Variants in LAD1 observed in about 807,000 individuals in gnomAD.
LAD1 encodes ladinin-1.
Under a neutral mutation model 54.2 loss-of-function variants are expected in LAD1, and 53 were observed. The ratio of observed to expected loss-of-function variants is 0.98; its 90% confidence interval spans 0.78 to 1.23. The LOEUF (loss-of-function observed/expected upper bound fraction) is 1.23, where lower values mean the gene tolerates loss of function less well. LAD1 is among the 50% of genes most tolerant of loss of function. The pLI is 0.00. For synonymous variants in LAD1, 231 were observed against 257.7 expected (o/e 0.90, Z 0.99); for missense variants, 637 against 653.3 (o/e 0.98, Z 0.27).
intron 5 of LAD1, 95 bp downstream of exon 5, chr1:201,384,697 C>T (rs79927941): frequency 0.027 from 34,273 of 1,280,182 alleles, 639 homozygotes; most frequent in African/African-American, 0.069. Context: ...ATGTGCCCTA[C>T]CGCACAGCCT....
chr1:201,381,128 A>G lies in LAD1; in HGVS notation c.*760T>C, dbSNP rs751166442. 1.3e-5 allele frequency: 2 copies of G among 152,574 alleles called. No individual in the cohort carries two copies. The highest frequency in any genetic ancestry group is 4.8e-5 in the African/African-American group (2 of 41,342). 9.5% of individuals were successfully genotyped at this position (152,574 alleles called of 1,614,324 possible). ...AAGAGGGGGGATGAGGAAAATGATG[A>G]TCCTCCTCACACACTTCAGGTGACC... On this transcript the variant is annotated 3_prime_UTR_variant, in exon 10 of 10. Coordinates refer to ENST00000391967, the MANE Select transcript of LAD1 (RefSeq NM_005558.4).
chr1:201,386,249 GA>G lies in LAD1; in HGVS notation c.1026+85del. 9 of 1,289,060 alleles carry G rather than the reference GA, an allele frequency of 7.0e-6. No homozygotes were observed. In the South Asian group the frequency reaches 1.8e-4, roughly 26 times the overall value. 79.9% of individuals were successfully genotyped at this position (1,289,060 alleles called of 1,614,324 possible). ...AGGTAGGAGGATGGAGGCAGCCAGGGAACCAGGGACTACCTGGGTGGGACTG... is the reference window on the plus strand; with the variant it reads ...AGGTAGGAGGATGGAGGCAGCCAGGGACCAGGGACTACCTGGGTGGGACTG... On this transcript the variant is annotated intron_variant, in intron 3 of 9. Coordinates refer to ENST00000391967, the MANE Select transcript of LAD1 (RefSeq NM_005558.4).
Position 201,382,731 on chromosome 1 carries a change from C to CA in LAD1, c.1394dup (p.Leu465PhefsTer46), listed in dbSNP as rs1336589546. 6.2e-7 allele frequency: 1 copy of CA among 1,601,312 alleles called. No homozygotes were observed. Among genetic ancestry groups the CA allele is most frequent in the Admixed American group, 1.7e-5 (1 of 58,252 alleles). Reference sequence around the variant, plus strand: ...TTGATGTCACAACCCCTGAGAGCCTCAAGTTCTCCTAAAAAGAGAACTTTC... The same window carrying CA: ...TTGATGTCACAACCCCTGAGAGCCTCAAAGTTCTCCTAAAAAGAGAACTTTC... On this transcript the variant is annotated frameshift_variant, in exon 8 of 10. Transcript: ENST00000391967. LOFTEE classifies it high-confidence loss of function.
At chr1:201,397,502 C>T (rs1662314994) in intron 1 of LAD1, among the ~76,000 whole-genome samples, 1 of 152,150 alleles carries the variant, frequency 6.6e-6, no homozygotes, top group Non-Finnish European at 1.5e-5. Flanking sequence ...CAAGCTTAGG[C>T]CAGACCTTGC....
chr1:201,382,220 G>A (rs367910499), intron 9 of LAD1, 32 bp downstream of exon 9: 20 of 1,583,664 alleles, frequency 1.3e-5, no homozygotes, highest in Admixed American at 3.3e-5. Context: ...GTGGCCCTCC[G>A]CCGTAGGGCC....
At chr1:201,383,003 A>T (rs1661993142) in intron 7 of LAD1, 71 bp downstream of exon 7, 42 of 1,527,240 alleles carry the variant, frequency 2.8e-5, no homozygotes, top group Non-Finnish European at 3.6e-5. Context: ...GCATTGCCAC[A>T]GCCAAGATTT....
chr1:201,390,573 C>T (rs183438968), intron 1 of LAD1, among the ~76,000 whole-genome samples: 24 of 152,244 alleles, frequency 1.6e-4, no homozygotes, highest in Non-Finnish European at 2.4e-4. Context: ...TCAAATCATA[C>T]GTCTATCAAA....
chr1:201,381,971 G>T (rs375548025), intron 9 of LAD1, 78 bp from the exon 10 acceptor site: 42 of 1,474,522 alleles, frequency 2.8e-5, no homozygotes, highest in Non-Finnish European at 3.7e-5. Flanking sequence ...GGATAGGAAG[G>T]CATCCCTTTG....
chr1:201,385,192 C>T (rs771364080), intron 4 of LAD1, among the ~76,000 whole-genome samples: 1 of 152,210 alleles, frequency 6.6e-6, no homozygotes. Context: ...ACATTAGAGG[C>T]ATGATACCCA....
chr1:201,387,221 A>C, intron 2 of LAD1, 43 bp from the exon 3 acceptor site: 1 of 1,468,940 alleles, frequency 6.8e-7, no homozygotes, highest in Non-Finnish European at 9.0e-7. Flanking sequence ...ATAGAGGTGG[A>C]AGATACCCTA....
intron 1 of LAD1, among the ~76,000 whole-genome samples, chr1:201,389,538 C>T (rs982975050): frequency 2.0e-5 from 3 of 152,160 alleles, no homozygotes; most frequent in Non-Finnish European, 2.9e-5. Flanking sequence ...ATCGGCCAGG[C>T]GCGGTCGCTC....
intron 1 of LAD1, among the ~76,000 whole-genome samples, chr1:201,393,022 G>T (rs1361313833): frequency 2.0e-5 from 3 of 152,138 alleles, no homozygotes; most frequent in Non-Finnish European, 4.4e-5. Context: ...GAAAAATCAA[G>T]AACTGCTAGA....
chr1:201,382,332 T>C lies in LAD1; in HGVS notation c.1474-6A>G, dbSNP rs748515711. 1 of 1,609,524 alleles carries C rather than the reference T, an allele frequency of 6.2e-7. No individual in the cohort carries two copies. The highest frequency in any genetic ancestry group is 1.1e-5 in the South Asian group (1 of 90,970). On this transcript the variant is annotated splice_polypyrimidine_tract_variant and splice_region_variant and intron_variant, in intron 8 of 9. Transcript: ENST00000391967. ...GATGATGCTTTCTGTGCCTCCTGAT[T>C]GAGGGTATCAGGGTGGAGACCAGAG...
chr1:201,394,064 T>C (rs1014685419), intron 1 of LAD1, among the ~76,000 whole-genome samples: 1 of 152,086 alleles, frequency 6.6e-6, no homozygotes, highest in African/African-American at 2.4e-5. Context: ...TGAAGAGTGA[T>C]TGAGTTGTCC....
At chr1:201,390,090 T>C (rs975171641) in intron 1 of LAD1, among the ~76,000 whole-genome samples, 2 of 151,716 alleles carry the variant, frequency 1.3e-5, no homozygotes, top group African/African-American at 4.8e-5. Flanking sequence ...TGGTTAATTT[T>C]TAGATTTTTT....
At chr1:201,395,508 C>A (rs1337388039) in intron 1 of LAD1, among the ~76,000 whole-genome samples, 1 of 152,186 alleles carries the variant, frequency 6.6e-6, no homozygotes, top group Non-Finnish European at 1.5e-5. Flanking sequence ...AATCCCAGCA[C>A]TTTGGGAGGC....
At chr1:201,390,453 C>T (rs1662178787) in intron 1 of LAD1, among the ~76,000 whole-genome samples, 1 of 151,972 alleles carries the variant, frequency 6.6e-6, no homozygotes, top group Non-Finnish European at 1.5e-5. Flanking sequence ...CAGAGAATTG[C>T]TCGAACCTGG....
At position 201,389,307 on chromosome 1, in the gene LAD1, G is replaced by C. The variant is rs990828431; in HGVS notation, c.39-4C>G. ...CAGAGTCCTCTGCCGGGCAAGGCTG[G>C]GGGAGGGGAGGAGAGGGTCAGCACA... On this transcript the variant is annotated splice_region_variant and splice_polypyrimidine_tract_variant and intron_variant, in intron 1 of 9. Transcript: ENST00000391967. 20 of 1,610,506 alleles carry C rather than the reference G, an allele frequency of 1.2e-5. No individual in the cohort carries two copies. The highest frequency in any genetic ancestry group is 1.6e-5 in the Non-Finnish European group (19 of 1,179,376).
intron 8 of LAD1, 131 bp from the exon 9 acceptor site, chr1:201,382,457 C>A (rs991753477): frequency 1.0e-5 from 8 of 803,464 alleles, no homozygotes; most frequent in Non-Finnish European, 1.7e-5. Flanking sequence ...CCAGACCCAC[C>A]CCTCCTCTCT....
Sources: allele counts gnomAD v4.1 joint callset (sites outside exome capture counted in the v4.1 genomes callset), GRCh38; gene constraint gnomAD v4.1.1; transcripts MANE v1.5; gene names NCBI Gene and HGNC (gene_info 2026-07-23, HGNC 2026-07-21).